The following CTNND2 variants were observed in gnomAD, a reference collection of about 807,000 sequenced individuals.
The protein encoded by CTNND2 is catenin delta-2.
Under a neutral mutation model 144.4 loss-of-function variants are expected in CTNND2, and 22 were observed. That is an observed-to-expected ratio of 0.15 (90% CI 0.11 to 0.22). The LOEUF (loss-of-function observed/expected upper bound fraction) is 0.22. Ranked by LOEUF, CTNND2 falls within the 10% of genes least tolerant of loss-of-function variation. The probability of loss-of-function intolerance (pLI) is 1.00; values close to 1 mark genes in which losing one functional copy is unlikely to be tolerated. For missense variants in CTNND2, 1,353 were observed against 1,618.8 expected (o/e 0.84, Z 2.82); for synonymous variants, 751 against 695.6 (o/e 1.08, Z -1.25).
chr5:11,507,209 C>G (rs934016011), intron 3 of CTNND2, among the ~76,000 whole-genome samples: 2 of 152,180 alleles, frequency 1.3e-5, no homozygotes, highest in South Asian at 2.1e-4. Context: ...GATGTTCCTA[C>G]ATAATAATGG....
intron 15 of CTNND2, among the ~76,000 whole-genome samples, chr5:11,088,707 C>CT (rs1750437953): frequency 6.6e-6 from 1 of 152,116 alleles, no homozygotes; most frequent in Admixed American, 6.5e-5. Flanking sequence ...AGTCTTGCAA[C>CT]TATAAGGCAA....
chr5:11,528,993 G>A (rs1338224740), intron 3 of CTNND2, among the ~76,000 whole-genome samples: 7 of 152,202 alleles, frequency 4.6e-5, no homozygotes, highest in African/African-American at 1.4e-4. Flanking sequence ...CAGGTATGGA[G>A]TGATGAAAAT....
rs537363343 is a variant in CTNND2, at chr5:11,086,407, A to T, written c.2638-3561T>A. Among the ~76,000 whole-genome samples, 322 of 152,328 alleles carry T rather than the reference A, an allele frequency of 2.1e-3. 2 individuals carry two copies. Among genetic ancestry groups the T allele is most frequent in the African/African-American group, 7.4e-3 (308 of 41,582 alleles). On this transcript the variant is annotated intron_variant, in intron 15 of 21. Transcript: ENST00000304623. Reference sequence around the variant, plus strand: ...CGGGACTATACCTGTAAGACCCCCAAGTTTAGCACCAACTGCAGGGGCAGG... The same window carrying T: ...CGGGACTATACCTGTAAGACCCCCATGTTTAGCACCAACTGCAGGGGCAGG...
intron 3 of CTNND2, among the ~76,000 whole-genome samples, chr5:11,543,783 T>C (rs1774968582): frequency 6.6e-6 from 1 of 152,176 alleles, no homozygotes; most frequent in Non-Finnish European, 1.5e-5. Context: ...AATGCCCTGT[T>C]TACATTACTA....
intron 1 of CTNND2, among the ~76,000 whole-genome samples, chr5:11,866,552 A>G (rs1795778660): frequency 6.6e-6 from 1 of 152,206 alleles, no homozygotes; most frequent in Admixed American, 6.5e-5. Context: ...GACACAGGAA[A>G]TTTAAAAACA....
At chr5:11,496,050 C>G (rs749687662) in intron 3 of CTNND2, among the ~76,000 whole-genome samples, 1 of 152,152 alleles carries the variant, frequency 6.6e-6, no homozygotes, top group African/African-American at 2.4e-5. Context: ...ACTTGATATC[C>G]TTTAACATGC....
intron 18 of CTNND2, among the ~76,000 whole-genome samples, chr5:11,015,220 A>G (rs1391500138): frequency 6.6e-6 from 1 of 152,246 alleles, no homozygotes; most frequent in Non-Finnish European, 1.5e-5. Flanking sequence ...ATTAAAAACA[A>G]TTCATAAAGA....
Position 10,984,844 on chromosome 5 carries a change from C to T in CTNND2, c.3344-2998G>A, listed in dbSNP as rs1043477912. 4.6e-5 allele frequency among the ~76,000 whole-genome samples: 7 copies of T among 152,198 alleles called. No homozygotes were observed. The South Asian group carries it at 6.2e-4, about 14-fold the overall frequency. On this transcript the variant is annotated intron_variant, in intron 20 of 21. Coordinates refer to ENST00000304623, the MANE Select transcript of CTNND2 (RefSeq NM_001332.4). ...ATCCCAGCAGTTTGAGAGGATGAGGCGGGAAGATCACTTGATGTCAGGAGT... is the reference window on the plus strand; with the variant it reads ...ATCCCAGCAGTTTGAGAGGATGAGGTGGGAAGATCACTTGATGTCAGGAGT...
chr5:11,684,102 A>ATTTTTT lies in CTNND2; in HGVS notation c.174+48028_174+48033dup, dbSNP rs1355173878. 7.9e-5 allele frequency among the ~76,000 whole-genome samples: 12 copies of ATTTTTT among 151,488 alleles called. No individual in the cohort carries two copies. The East Asian group carries it at 2.3e-3, about 29-fold the overall frequency. ...TTACACATTATTTATTTTTATTTTT[A>ATTTTTT]TTTTTTATTTTTTTTTTTAGATGGA... On this transcript the variant is annotated intron_variant, in intron 2 of 21. Coordinates refer to ENST00000304623, the MANE Select transcript of CTNND2 (RefSeq NM_001332.4).
chr5:11,863,663 T>G (rs1252136312), intron 1 of CTNND2, among the ~76,000 whole-genome samples: 1 of 152,146 alleles, frequency 6.6e-6, no homozygotes, highest in Non-Finnish European at 1.5e-5. Flanking sequence ...TGTGCTACAG[T>G]CAGCATAAAA....
chr5:11,263,109 A>G (rs1745083510), intron 9 of CTNND2, among the ~76,000 whole-genome samples: 3 of 152,180 alleles, frequency 2.0e-5, no homozygotes, highest in Non-Finnish European at 4.4e-5. Context: ...GTGTATGACA[A>G]GAGAACACCT....
intron 2 of CTNND2, among the ~76,000 whole-genome samples, chr5:11,649,525 C>T (rs558838758): frequency 1.3e-5 from 2 of 152,172 alleles, no homozygotes; most frequent in South Asian, 4.2e-4. Flanking sequence ...CCATGTTGGC[C>T]AGGCTGGTCT....
intron 1 of CTNND2, among the ~76,000 whole-genome samples, chr5:11,853,001 CAAATA>C (rs1336751551): frequency 6.6e-6 from 1 of 152,052 alleles, no homozygotes; most frequent in Non-Finnish European, 1.5e-5. Flanking sequence ...AAACCTCTTC[CAAATA>C]AAAGAATCAC....
chr5:11,018,354 G>A (rs943737470), intron 17 of CTNND2, among the ~76,000 whole-genome samples: 3 of 151,990 alleles, frequency 2.0e-5, no homozygotes, highest in African/African-American at 7.3e-5. Context: ...GTAGAAATTA[G>A]GCCAATTAAT....
chr5:11,111,146 T>C (rs1318789515), intron 13 of CTNND2, 103 bp from the exon 14 acceptor site: 5 of 1,246,732 alleles, frequency 4.0e-6, no homozygotes, highest in East Asian at 4.8e-5. Context: ...ACATTTCTCT[T>C]TGGAAGTGTT....
chr5:11,559,948 T>C (rs916456915), intron 3 of CTNND2, among the ~76,000 whole-genome samples: 2 of 152,192 alleles, frequency 1.3e-5, no homozygotes, highest in African/African-American at 2.4e-5. Context: ...CCTCACGCTG[T>C]GTCTGATTCC....
chr5:10,979,349 C>A (rs147270367), intron 21 of CTNND2, among the ~76,000 whole-genome samples: 36 of 152,264 alleles, frequency 2.4e-4, no homozygotes, highest in African/African-American at 8.7e-4. Flanking sequence ...AGCTCATGAC[C>A]CTATTTATTT....
At chr5:11,192,510 A>G (rs1444869387) in intron 11 of CTNND2, among the ~76,000 whole-genome samples, 2 of 152,228 alleles carry the variant, frequency 1.3e-5, no homozygotes, top group East Asian at 3.9e-4. Context: ...ATCCTGGATC[A>G]GCCCGGTGGG....
At chr5:11,841,168 C>T (rs1157456807) in intron 1 of CTNND2, among the ~76,000 whole-genome samples, 3 of 152,114 alleles carry the variant, frequency 2.0e-5, no homozygotes, top group East Asian at 3.9e-4. Flanking sequence ...AGTAAGGTAA[C>T]TTTCCAAAGT....
Sources: gnomAD v4.1 joint callset for allele counts (sites outside exome capture counted in the v4.1 genomes callset) on GRCh38, gnomAD v4.1.1 for gene constraint, MANE v1.5 for transcripts, NCBI Gene and HGNC (gene_info 2026-07-23, HGNC 2026-07-21) for gene names.